The following GALNT6 variants were observed in gnomAD, a reference collection of about 807,000 sequenced individuals.
GALNT6 encodes the protein GalNAc transferase 6.
GALNT6 carries 51 observed loss-of-function variants against 65.9 expected under a neutral mutation model. The ratio of observed to expected loss-of-function variants is 0.77; its 90% CI spans 0.62 to 0.98. GALNT6 has a LOEUF of 0.98. Among genes scored for constraint, GALNT6 ranks in the 50% least tolerant of loss-of-function variants. The pLI is 0.00. For missense variants in GALNT6, 708 were observed against 803.3 expected (o/e 0.88, Z 1.43); for synonymous variants, 323 against 315.1 (o/e 1.02, Z -0.26).
At chr12:51,374,230 G>A (rs1238454668) in intron 4 of GALNT6, among the ~76,000 whole-genome samples, 1 of 151,958 alleles carries the variant, frequency 6.6e-6, no homozygotes, top group Non-Finnish European at 1.5e-5. Context: ...GTGCAATGGT[G>A]CAATCACAGC....
At chr12:51,364,625 G>A (rs1947034966) in intron 5 of GALNT6, among the ~76,000 whole-genome samples, 1 of 152,230 alleles carries the variant, frequency 6.6e-6, no homozygotes, top group African/African-American at 2.4e-5. Flanking sequence ...AGCACAGGGA[G>A]GCCCTGGATG....
chr12:51,379,703 GGAGGAA>G lies in GALNT6; in HGVS notation c.73_78del (p.Phe25_Leu26del). ...TCTCTGCTGCTCACATCCCTATGCA[GGAGGAA>G]GAGGAAGAGCACAAAGGCGCAGCCC... is the stretch of plus-strand genomic sequence containing the variant. On this transcript the variant is annotated inframe_deletion, in exon 3 of 12. Transcript: ENST00000356317. The G allele has an allele frequency of 6.2e-7, 1 of 1,614,054 alleles. No homozygotes were observed. Among genetic ancestry groups the G allele is most frequent in the Non-Finnish European group, 8.5e-7 (1 of 1,179,968 alleles).
intron 10 of GALNT6, among the ~76,000 whole-genome samples, chr12:51,356,411 G>A (rs1271426090): frequency 7.3e-6 from 1 of 136,872 alleles, no homozygotes; most frequent in African/African-American, 2.7e-5. Context: ...TTAAGCTAGA[G>A]TGTGGTGGCA....
intron 2 of GALNT6, among the ~76,000 whole-genome samples, chr12:51,390,101 T>C (rs1462115888): frequency 1.3e-5 from 2 of 151,746 alleles, no homozygotes; most frequent in African/African-American, 4.8e-5. Context: ...CCTGCAATGC[T>C]ACTGGCTCCT....
At chr12:51,358,306 T>C in intron 8 of GALNT6, 45 bp from the exon 9 acceptor site, 1 of 1,577,054 alleles carries the variant, frequency 6.3e-7, no homozygotes, top group Non-Finnish European at 8.6e-7. Flanking sequence ...CACCAGTTTT[T>C]TTTTTTTTTT....
At chr12:51,377,107 G>A in intron 4 of GALNT6, 88 bp downstream of exon 4, 2 of 1,120,862 alleles carry the variant, frequency 1.8e-6, no homozygotes, top group Non-Finnish European at 2.7e-6. Flanking sequence ...TCATGAGGTG[G>A]TGCCTGCTCC....
At chr12:51,365,639 T>C in intron 4 of GALNT6, 60 bp from the exon 5 acceptor site, 1 of 1,552,992 alleles carries the variant, frequency 6.4e-7, no homozygotes, top group Non-Finnish European at 8.8e-7. Flanking sequence ...CAATCCCCTG[T>C]GGGCACCAAG....
At chr12:51,368,812 T>G (rs1947195698) in intron 4 of GALNT6, among the ~76,000 whole-genome samples, 1 of 152,174 alleles carries the variant, frequency 6.6e-6, no homozygotes, top group Non-Finnish European at 1.5e-5. Context: ...GGGGGCTGTA[T>G]CTTACTTAAC....
At chr12:51,386,286 T>C (rs768097123) in intron 2 of GALNT6, among the ~76,000 whole-genome samples, 2 of 152,202 alleles carry the variant, frequency 1.3e-5, no homozygotes, top group Non-Finnish European at 1.5e-5. Context: ...ACCACTACTC[T>C]GTTTACCACA....
rs1241830287 is a variant in GALNT6 at position 51,377,287 on chromosome 12, G to A, written c.572C>T (p.Ser191Phe). Residue 191 changes from serine to phenylalanine, a missense_variant, in exon 4 of 12, where the codon TCC becomes TTC. Physicochemically the swap from Ser to Phe is radical, Grantham distance 155. Coordinates refer to ENST00000356317, the MANE Select transcript of GALNT6 (RefSeq NM_007210.4). ...VIIVFHNEAWSTLLRTVYSVL... is the reference protein window; with the variant it reads ...VIIVFHNEAWFTLLRTVYSVL... ...GCTGTACACTGTTCGCAGCAGTGTG[G>A]ACCAGGCTTCGTTGTGGAACACAAT... 6 of 1,613,606 alleles carry A rather than the reference G, an allele frequency of 3.7e-6. No individual in the cohort carries two copies. Among genetic ancestry groups the A allele is most frequent in the African/African-American group, 1.3e-5 (1 of 75,016 alleles).
intron 4 of GALNT6, among the ~76,000 whole-genome samples, chr12:51,369,945 T>A (rs1408235284): frequency 1.3e-5 from 2 of 152,082 alleles, no homozygotes; most frequent in Non-Finnish European, 2.9e-5. Flanking sequence ...AAATCATAAA[T>A]CAGATCATGT....
chr12:51,366,822 G>A (rs562389691), intron 4 of GALNT6, among the ~76,000 whole-genome samples: 1 of 152,192 alleles, frequency 6.6e-6, no homozygotes, highest in Non-Finnish European at 1.5e-5. Context: ...GAAATCCTCA[G>A]AGCATTAACA....
chr12:51,380,535 C>T (rs1592351852), intron 2 of GALNT6, among the ~76,000 whole-genome samples: 1 of 152,306 alleles, frequency 6.6e-6, no homozygotes, highest in African/African-American at 2.4e-5. Context: ...TAAAATTAAA[C>T]AATATCTTGT....
chr12:51,368,354 A>G (rs1025333697), intron 4 of GALNT6, among the ~76,000 whole-genome samples: 4 of 149,992 alleles, frequency 2.7e-5, no homozygotes, highest in African/African-American at 9.8e-5. Context: ...GAAAGTCTCT[A>G]TAATTTGGAA....
At chr12:51,370,522 C>CA (rs1244264709) in intron 4 of GALNT6, among the ~76,000 whole-genome samples, 2 of 151,634 alleles carry the variant, frequency 1.3e-5, no homozygotes, top group South Asian at 2.1e-4. Flanking sequence ...AACTCCATCT[C>CA]AAAAAAAATA....
intron 10 of GALNT6, 80 bp from the exon 11 acceptor site, chr12:51,356,038 G>A: frequency 1.5e-6 from 2 of 1,324,148 alleles, no homozygotes; most frequent in Non-Finnish European, 2.2e-6. Flanking sequence ...TGTCTACCAT[G>A]CATGGTCTCC....
At chr12:51,361,795 C>A (rs1946931701) in intron 6 of GALNT6, among the ~76,000 whole-genome samples, 1 of 151,962 alleles carries the variant, frequency 6.6e-6, no homozygotes, top group South Asian at 2.1e-4. Flanking sequence ...TCTGTTTGGG[C>A]CAGCCTGGCA....
chr12:51,380,249 C>G (rs762206853), intron 2 of GALNT6, among the ~76,000 whole-genome samples: 8 of 152,076 alleles, frequency 5.3e-5, no homozygotes, highest in Non-Finnish European at 1.2e-4. Context: ...ATTTTATATC[C>G]CAGACAAACT....
At chr12:51,382,114 A>G (rs1947693606) in intron 2 of GALNT6, among the ~76,000 whole-genome samples, 1 of 152,208 alleles carries the variant, frequency 6.6e-6, no homozygotes, top group South Asian at 2.1e-4. Context: ...AAAATCAAAC[A>G]AAAGAAATCT....
Sources: gnomAD v4.1 joint callset for allele counts (sites outside exome capture counted in the v4.1 genomes callset) on GRCh38, gnomAD v4.1.1 for gene constraint, MANE v1.5 for transcripts, NCBI Gene and HGNC (gene_info 2026-07-23, HGNC 2026-07-21) for gene names.